CHST1: variants seen among roughly 807,000 people sequenced by gnomAD.
The protein encoded by CHST1 is Keratan sulfotransferase.
CHST1 carries 10 observed loss-of-function variants against 22.5 expected under a neutral mutation model. The ratio of observed to expected loss-of-function variants is 0.44; its 90% confidence interval spans 0.27 to 0.75. The LOEUF (loss-of-function observed/expected upper bound fraction) is 0.75, where lower values mean the gene tolerates loss of function less well. Among genes scored for constraint, CHST1 ranks in the 30% least tolerant of loss-of-function variants. The probability of loss-of-function intolerance (pLI) is 0.15; values close to 1 mark genes in which losing one functional copy is unlikely to be tolerated. For synonymous variants in CHST1, 267 were observed against 264.5 expected, an observed-to-expected ratio of 1.01 and a Z score of -0.09; for missense variants, 439 against 576.1, an observed-to-expected ratio of 0.76 and a Z score of 2.44.
chr11:45,662,063 G>A (rs894548077), intron 1 of CHST1, among the ~76,000 whole-genome samples: 1 of 152,222 alleles, frequency 6.6e-6, no homozygotes, highest in African/African-American at 2.4e-5. Flanking sequence ...GGGGTTAGGA[G>A]AGTGTGCAGG....
rs1383943320 is a variant in CHST1 at position 45,648,822 on chromosome 11, G to C, written c.*866C>G. 1.3e-5 allele frequency: 2 copies of C among 152,502 alleles called. No homozygotes were observed. The highest frequency in any genetic ancestry group is 4.8e-5 in the African/African-American group (2 of 41,430). 9.4% of individuals were successfully genotyped at this position (152,502 alleles called of 1,614,324 possible). A position where few individuals can be genotyped will look rare whatever the true frequency, so the allele number is the denominator to read the frequency against. ...TCCTCCCCAAAGCTAGGAACACCCAGACCCGGCTGAGGCCCTCTCGTACCC... is the reference window on the plus strand; with the variant it reads ...TCCTCCCCAAAGCTAGGAACACCCACACCCGGCTGAGGCCCTCTCGTACCC... On this transcript the variant is annotated 3_prime_UTR_variant, in exon 4 of 4. Coordinates refer to ENST00000308064, the MANE Select transcript of CHST1 (RefSeq NM_003654.6).
chr11:45,650,486 G>A lies in CHST1; in HGVS notation c.438C>T (p.His146=). 6.2e-7 allele frequency: 1 copy of A among 1,613,492 alleles called. No homozygotes were observed. Among genetic ancestry groups the A allele is most frequent in the African/African-American group, 1.3e-5 (1 of 75,062 alleles). The change falls in exon 4 of 4, where the codon CAC becomes CAT. Residue 146 remains histidine (H), a synonymous_variant. Transcript: ENST00000308064. ...ENYIKPPPVN[H]TTDRIFRRGA... ...CGCGGCGGAAGATCCTGTCGGTGGT[G>A]TGGTTGACCGGCGGCGGCTTGATGT...
In CHST1 at chr11:45,650,293, G is replaced by T; in HGVS notation, c.631C>A (p.Pro211Thr). 6.2e-7 allele frequency: 1 copy of T among 1,605,296 alleles called. No homozygotes were observed. Among genetic ancestry groups the T allele is most frequent in the Non-Finnish European group, 8.5e-7 (1 of 1,179,514 alleles). ...SHVAIKTVRV[P>T]EVNDLRALVE... ...AGGGCGCGCAGGTCGTTCACCTCGG[G>T]CACGCGCACCGTCTTGATGGCCACG... Residue 211 changes from proline to threonine, a missense_variant, in exon 4 of 4, where the codon CCC becomes ACC. By Grantham distance (38) the Pro-to-Thr change is conservative (BLOSUM62 -1). Coordinates refer to ENST00000308064, the MANE Select transcript of CHST1 (RefSeq NM_003654.6).
rs45570638 is a variant in CHST1 at position 45,660,379 on chromosome 11, C to G, written c.-227+4799G>C. 6.0e-3 allele frequency among the ~76,000 whole-genome samples: 918 copies of G among 152,332 alleles called. 2 individuals carry two copies. The highest frequency in any genetic ancestry group is 0.011 in the Non-Finnish European group (725 of 68,034). On this transcript the variant is annotated intron_variant, in intron 1 of 3. Transcript: ENST00000308064. ...TACAGGCTTCCCTTCCATCCCCACT[C>G]TGACCTCCTAAAATGTCCAAATTAC...
In CHST1 at chr11:45,648,089, A is replaced by G. The variant is rs891778972; in HGVS notation, c.*1599T>C. 2.0e-5 allele frequency among the ~76,000 whole-genome samples: 3 copies of G among 152,220 alleles called. No individual in the cohort carries two copies. The highest frequency in any genetic ancestry group is 4.4e-5 in the Non-Finnish European group (3 of 68,044). On this transcript the variant is annotated 3_prime_UTR_variant, in exon 4 of 4. Transcript: ENST00000308064. ...CCACGAAGGGAAGGGGAGGAAGCAC[A>G]GCAGATTCTCTGCCAGTGTAGACAC...
chr11:45,656,309 T>G (rs1248042356), intron 1 of CHST1, among the ~76,000 whole-genome samples: 1 of 152,226 alleles, frequency 6.6e-6, no homozygotes, highest in African/African-American at 2.4e-5. Context: ...GTCCAGGGAA[T>G]TGTCTTTCCA....
At position 45,650,056 on chromosome 11, in the gene CHST1, G is replaced by A. The variant is rs776300953; in HGVS notation, c.868C>T (p.Pro290Ser). 6.2e-7 allele frequency: 1 copy of A among 1,614,092 alleles called. No homozygotes were observed. The highest frequency in any genetic ancestry group is 1.1e-5 in the South Asian group (1 of 91,082). Residue 290 changes from proline to serine, a missense_variant, in exon 4 of 4, where the codon CCC (proline) becomes TCC (serine). Pro to Ser is a moderately conservative substitution (Grantham distance 74, BLOSUM62 -1). Coordinates refer to ENST00000308064, the MANE Select transcript of CHST1 (RefSeq NM_003654.6). ...ATGTACTTGCCCTTGAGCCACGGGG[G>A]CCGCATGAGGCCGGTGGACACGGAG... is the stretch of plus-strand genomic sequence containing the variant. Reference protein sequence around the residue: ...SNSVSTGLMRPPWLKGKYMLV... With the variant: ...SNSVSTGLMRSPWLKGKYMLV...
At chr11:45,653,318 T>C (rs574639181) in intron 1 of CHST1, among the ~76,000 whole-genome samples, 1 of 152,222 alleles carries the variant, frequency 6.6e-6, no homozygotes, top group Non-Finnish European at 1.5e-5. Flanking sequence ...ATTTCACTTC[T>C]TTAGGAATCA....
chr11:45,651,697 C>A (rs1325260012), intron 3 of CHST1: 1 of 152,288 alleles, frequency 6.6e-6, no homozygotes, highest in Non-Finnish European at 1.5e-5. Flanking sequence ...GGACAAGGGT[C>A]CAGGCCATGG....
intron 1 of CHST1, among the ~76,000 whole-genome samples, chr11:45,663,100 C>T (rs928995436): frequency 2.0e-5 from 3 of 152,170 alleles, no homozygotes; most frequent in African/African-American, 7.2e-5. Flanking sequence ...ATCAAATGCT[C>T]CCTCCCCACA....
intron 1 of CHST1, among the ~76,000 whole-genome samples, chr11:45,653,991 G>C (rs891209945): frequency 6.6e-6 from 1 of 152,148 alleles, no homozygotes; most frequent in Non-Finnish European, 1.5e-5. Flanking sequence ...CCCAGGCAAC[G>C]TGCTAGGAAG....
chr11:45,661,998 C>A (rs538820780), intron 1 of CHST1, among the ~76,000 whole-genome samples: 21 of 152,336 alleles, frequency 1.4e-4, no homozygotes, highest in African/African-American at 4.6e-4. Context: ...AGCCCCAAGC[C>A]TGTCCAGACT....
At chr11:45,658,045 C>T (rs1387268297) in intron 1 of CHST1, among the ~76,000 whole-genome samples, 2 of 152,200 alleles carry the variant, frequency 1.3e-5, no homozygotes, top group African/African-American at 4.8e-5. Context: ...ACTCCAATGT[C>T]CACATGATAC....
chr11:45,649,137 CT>C lies in CHST1; in HGVS notation c.*550del. ...CGTTCACCTCACAGTAAAAACCTGC[CT>C]CACCGACAGGCAAGGGCGGGCAGGA... On this transcript the variant is annotated 3_prime_UTR_variant, in exon 4 of 4. Coordinates refer to ENST00000308064, the MANE Select transcript of CHST1 (RefSeq NM_003654.6). 3 of 153,052 alleles carry C rather than the reference CT, an allele frequency of 2.0e-5. No individual in the cohort carries two copies. Among genetic ancestry groups the C allele is most frequent in the African/African-American group, 7.3e-5 (3 of 41,376 alleles). 9.5% of individuals were successfully genotyped at this position (153,052 alleles called of 1,614,324 possible).
chr11:45,665,166 C>G lies in CHST1; in HGVS notation c.-227+12G>C, dbSNP rs979798594. 1 of 151,778 alleles carries G rather than the reference C, an allele frequency of 6.6e-6. No homozygotes were observed. The highest frequency in any genetic ancestry group is 2.4e-5 in the African/African-American group (1 of 41,368). 9.4% of individuals were successfully genotyped at this position (151,778 alleles called of 1,614,324 possible). On this transcript the variant is annotated intron_variant, in intron 1 of 3. Transcript: ENST00000308064. This position sits in a 1 kb window ranked among gnomAD's most constrained non-coding sequence, Gnocchi z 4.0. The stretch of plus-strand genomic sequence containing the variant: ...CCCGCCCGCCCCGGAGCCCGCGGGG[C>G]CCGGCCAATACCTGGTCGGGGACGC...
chr11:45,649,602 AG>A lies in CHST1; in HGVS notation c.*85del. 1 of 1,330,214 alleles carries A rather than the reference AG, an allele frequency of 7.5e-7. No individual in the cohort carries two copies. Among genetic ancestry groups the A allele is most frequent in the Non-Finnish European group, 1.0e-6 (1 of 979,698 alleles). The allele number at this position is 1,330,214 out of a possible 1,614,324, so 82.4% of individuals were successfully genotyped here. ...GACACGAAGATGAGGTGGGAGAGGG[AG>A]GGGTTAATAAGGCAACAGTTAAAAA... On this transcript the variant is annotated 3_prime_UTR_variant, in exon 4 of 4. Transcript: ENST00000308064.
chr11:45,650,750 G>A lies in CHST1; in HGVS notation c.174C>T (p.Ser58=), dbSNP rs1851987239. 6.2e-7 allele frequency: 1 copy of A among 1,614,178 alleles called. No homozygotes were observed. The highest frequency in any genetic ancestry group is 1.1e-5 in the South Asian group (1 of 91,088). The change falls in exon 4 of 4, where the codon TCC becomes TCT. Residue 58 remains serine, a synonymous_variant. Transcript: ENST00000308064. ...CCAGGATGAGGATGTGGGTCTTGCGGGAGAGGTTGTAGGCGAAGGTGGGGC... is the reference window on the plus strand; with the variant it reads ...CCAGGATGAGGATGTGGGTCTTGCGAGAGAGGTTGTAGGCGAAGGTGGGGC... ...EESPTFAYNL[S]RKTHILILAT...
At chr11:45,656,834 A>G (rs1386933981) in intron 1 of CHST1, among the ~76,000 whole-genome samples, 4 of 151,576 alleles carry the variant, frequency 2.6e-5, no homozygotes, top group Admixed American at 2.6e-4. Context: ...GTGGGCCACT[A>G]AGGACAGTAG....
intron 1 of CHST1, among the ~76,000 whole-genome samples, chr11:45,663,978 A>G (rs115963282): frequency 0.011 from 1,739 of 152,262 alleles, 36 homozygotes; most frequent in African/African-American, 0.04. Flanking sequence ...ACTGCTGAGG[A>G]CAGGAGCCTG....
Sources: gnomAD v4.1 joint callset for allele counts (sites outside exome capture counted in the v4.1 genomes callset) on GRCh38, gnomAD v4.1.1 for gene constraint, Gnocchi (gnomAD v3.1) non-coding constraint, MANE v1.5 for transcripts, NCBI Gene and HGNC (gene_info 2026-07-23, HGNC 2026-07-21) for gene names.